The following FAM162A variants were observed in gnomAD, a reference collection of about 807,000 sequenced individuals.
FAM162A encodes the protein family with sequence similarity 162 member A, also known as protein FAM162A.
Under a neutral mutation model 21.8 loss-of-function variants are expected in FAM162A, and 23 were observed. The ratio of observed to expected loss-of-function variants is 1.05; its 90% CI spans 0.76 to 1.49. The LOEUF is 1.49. FAM162A is among the 40% of genes most tolerant of loss of function. The pLI, the probability that FAM162A is intolerant of heterozygous loss-of-function variation, is 0.00. For synonymous variants in FAM162A, 53 were observed against 61.3 expected (o/e 0.86, Z 0.64); for missense variants, 165 against 186.4 (o/e 0.89, Z 0.67).
rs757143096 is a variant in FAM162A, at chr3:122,401,324, C to T, written c.35-1436C>T. Reference sequence around the variant, plus strand: ...TTGTGTGCTTTTGTTAAACATATGTCGATTTATTTTGCCAACATGATTATA... The same window carrying T: ...TTGTGTGCTTTTGTTAAACATATGTTGATTTATTTTGCCAACATGATTATA... On this transcript the variant is annotated intron_variant, in intron 1 of 4. Transcript: ENST00000477892. 4 of 895,218 alleles carry T rather than the reference C, an allele frequency of 4.5e-6. No individual in the cohort carries two copies. The South Asian group carries it at 1.4e-4, about 32-fold the overall frequency. 55.5% of individuals were successfully genotyped at this position (895,218 alleles called of 1,614,324 possible).
At chr3:122,400,168 A>G (rs1171287123) in intron 1 of FAM162A, among the ~76,000 whole-genome samples, 1 of 152,184 alleles carries the variant, frequency 6.6e-6, no homozygotes, top group African/African-American at 2.4e-5. Context: ...TGTAGCCCAT[A>G]TAACCATGGA....
intron 3 of FAM162A, among the ~76,000 whole-genome samples, chr3:122,406,091 C>T (rs1381182954): frequency 6.6e-6 from 1 of 152,164 alleles, no homozygotes; most frequent in Non-Finnish European, 1.5e-5. Context: ...AAGTACTCCC[C>T]TCCCCAATTT....
At chr3:122,384,482 C>T (rs1409070878) in intron 1 of FAM162A, among the ~76,000 whole-genome samples, 183 bp downstream of exon 1, 1 of 152,132 alleles carries the variant, frequency 6.6e-6, no homozygotes, top group African/African-American at 2.4e-5. Context: ...TGCTGATAGG[C>T]ATTGGAGACT....
intron 1 of FAM162A, among the ~76,000 whole-genome samples, chr3:122,400,867 A>T (rs979966053): frequency 6.6e-6 from 1 of 152,146 alleles, no homozygotes; most frequent in Non-Finnish European, 1.5e-5. Flanking sequence ...GTTACTATAT[A>T]GAGATGTTCA....
intron 1 of FAM162A, among the ~76,000 whole-genome samples, chr3:122,388,413 T>C (rs2075584228): frequency 6.6e-6 from 1 of 152,190 alleles, no homozygotes; most frequent in South Asian, 2.1e-4. Context: ...TGTGAGAGGT[T>C]GAAGACCTGA....
At chr3:122,392,545 A>G (rs1302598938) in intron 1 of FAM162A, among the ~76,000 whole-genome samples, 2 of 152,266 alleles carry the variant, frequency 1.3e-5, no homozygotes, top group South Asian at 2.1e-4. Context: ...CTCAAAGTAT[A>G]GTCCAGAACC....
intron 1 of FAM162A, among the ~76,000 whole-genome samples, chr3:122,390,187 A>G (rs1000977338): frequency 1.3e-5 from 2 of 152,316 alleles, no homozygotes; most frequent in African/African-American, 4.8e-5. Flanking sequence ...GGGAGATAAC[A>G]TTTGGCAGGA....
intron 1 of FAM162A, among the ~76,000 whole-genome samples, chr3:122,391,475 A>C (rs1040551358): frequency 6.6e-6 from 1 of 152,252 alleles, no homozygotes; most frequent in African/African-American, 2.4e-5. Context: ...CTATTATTCT[A>C]ATATCTATAA....
Position 122,409,770 on chromosome 3 carries a change from TG to T in FAM162A, c.405del (p.Asn136ThrfsTer2). On this transcript the variant is annotated frameshift_variant, in exon 5 of 5. Coordinates refer to ENST00000477892, the MANE Select transcript of FAM162A (RefSeq NM_014367.4). LOFTEE classifies it high-confidence loss of function. Reference sequence around the variant, plus strand: ...CAAAGACACGAGACTTTAACAAGCTTGAACTTAGAAAAGAAAGCTCGTCTGA... The same window carrying T: ...CAAAGACACGAGACTTTAACAAGCTTAACTTAGAAAAGAAAGCTCGTCTGA... ...AAQRHETLTSLNLEKKARLKE... is the reference protein window; with the variant it reads ...AAQRHETLTSXNLEKKARLKE... 5.6e-6 allele frequency: 9 copies of T among 1,614,104 alleles called. No homozygotes were observed. The highest frequency in any genetic ancestry group is 7.6e-6 in the Non-Finnish European group (9 of 1,179,956).
chr3:122,403,648 G>A (rs555364029), intron 2 of FAM162A, among the ~76,000 whole-genome samples: 5 of 152,204 alleles, frequency 3.3e-5, no homozygotes, highest in South Asian at 2.1e-4. Context: ...GTCTTTTCCC[G>A]TCTTCTTTTA....
At chr3:122,387,747 A>G (rs1559998312) in intron 1 of FAM162A, among the ~76,000 whole-genome samples, 2 of 152,158 alleles carry the variant, frequency 1.3e-5, no homozygotes, top group Non-Finnish European at 2.9e-5. Context: ...AGGCTCTAAA[A>G]TGAATGGACT....
intron 1 of FAM162A, among the ~76,000 whole-genome samples, chr3:122,397,270 C>T (rs1336953257): frequency 2.6e-5 from 4 of 151,900 alleles, no homozygotes; most frequent in South Asian, 2.1e-4. Flanking sequence ...TTGGGAAAAC[C>T]GCCTCTGTAA....
chr3:122,398,627 TA>T (rs1463205018), intron 1 of FAM162A, among the ~76,000 whole-genome samples: 6 of 152,096 alleles, frequency 3.9e-5, no homozygotes, highest in African/African-American at 1.4e-4. Context: ...TAAATTATTT[TA>T]AAAAGTAAGA....
chr3:122,410,957 A>G lies in FAM162A; in HGVS notation c.*1126A>G, dbSNP rs1239294407. 6.6e-6 allele frequency: 1 copy of G among 152,222 alleles called. No homozygotes were observed. Among genetic ancestry groups the G allele is most frequent in the East Asian group, 1.9e-4 (1 of 5,204 alleles). 9.4% of individuals were successfully genotyped at this position (152,222 alleles called of 1,614,324 possible). On this transcript the variant is annotated 3_prime_UTR_variant, in exon 5 of 5. Coordinates refer to ENST00000477892, the MANE Select transcript of FAM162A (RefSeq NM_014367.4). ...CTAGTGTTCAGGTAACTCTTATTTA[A>G]TAATTGCCTCAAAGTGCATTGTGCT...
At chr3:122,402,274 C>G (rs1005006907) in intron 1 of FAM162A, among the ~76,000 whole-genome samples, 1 of 151,772 alleles carries the variant, frequency 6.6e-6, no homozygotes, top group South Asian at 2.1e-4. Flanking sequence ...AAAACTACAT[C>G]TAAAATTGAT....
Position 122,409,638 on chromosome 3 carries a change from A to G in FAM162A, c.373-101A>G, listed in dbSNP as rs115441638. 2,399 of 960,280 alleles carry G rather than the reference A, an allele frequency of 2.5e-3. 35 individuals carry two copies. The African/African-American group carries it at 0.034, about 14-fold the overall frequency. 59.5% of individuals were successfully genotyped at this position (960,280 alleles called of 1,614,324 possible). ...CAGTGTGCAAGCAGCAGAGGACTCC[A>G]TGCCTCCATGCCTCTGTTAACCTGC... On this transcript the variant is annotated intron_variant, in intron 4 of 4. Transcript: ENST00000477892.
At chr3:122,389,301 A>AC (rs2075588411) in intron 1 of FAM162A, among the ~76,000 whole-genome samples, 1 of 152,174 alleles carries the variant, frequency 6.6e-6, no homozygotes, top group Non-Finnish European at 1.5e-5. Context: ...GTTATTGTAG[A>AC]GTAATAAGAC....
chr3:122,408,310 T>C (rs939407273), intron 4 of FAM162A, among the ~76,000 whole-genome samples: 1 of 152,232 alleles, frequency 6.6e-6, no homozygotes, highest in South Asian at 2.1e-4. Context: ...TAAGCCATAG[T>C]TATTTTTATA....
chr3:122,403,022 C>T, intron 2 of FAM162A, 140 bp downstream of exon 2: 1 of 961,864 alleles, frequency 1.0e-6, no homozygotes, highest in Non-Finnish European at 1.5e-6. Context: ...TCACATTGTG[C>T]ATGTGCACAT....
Sources: gnomAD v4.1 joint callset for allele counts (sites outside exome capture counted in the v4.1 genomes callset) on GRCh38, gnomAD v4.1.1 for gene constraint, MANE v1.5 for transcripts, NCBI Gene and HGNC (gene_info 2026-07-23, HGNC 2026-07-21) for gene names.